Variants in ZMYM2 observed in about 807,000 individuals in gnomAD.
ZMYM2 encodes the protein zinc finger MYM-type containing 2, also known as zinc finger MYM-type protein 2.
Under a neutral mutation model 162.8 loss-of-function variants are expected in ZMYM2, and 56 were observed. The ratio of observed to expected loss-of-function variants is 0.34; its 90% CI spans 0.28 to 0.43. The LOEUF is 0.43. ZMYM2 is among the 20% of genes least tolerant of loss of function. ZMYM2 has a pLI of 1.00. For synonymous variants in ZMYM2, 510 were observed against 541.6 expected, an observed-to-expected ratio of 0.94 and a Z score of 0.81; for missense variants, 1,275 against 1,621.8, an observed-to-expected ratio of 0.79 and a Z score of 3.67.
At chr13:19,999,970 A>T (rs546417689) in intron 3 of ZMYM2, among the ~76,000 whole-genome samples, 9 of 152,182 alleles carry the variant, frequency 5.9e-5, no homozygotes, top group South Asian at 2.1e-4. Context: ...GTTAATTTTT[A>T]AAAAATATTT....
At chr13:19,900,404 G>A in the ZMYM2 span, among the ~76,000 whole-genome samples, 6 of 152,012 alleles carry the variant, frequency 3.9e-5, no homozygotes, top group Admixed American at 6.6e-5. Context: ...ACAAAATAGC[G>A]TATCTGAACA....
At chr13:19,954,209 A>G (rs934805510), upstream of ZMYM2, among the ~76,000 whole-genome samples, 12 of 141,622 alleles carry the variant, frequency 8.5e-5, no homozygotes, top group African/African-American at 3.1e-4. Context: ...GCTCACTGCA[A>G]GCTCCGCCTT....
rs780403405 is a variant in ZMYM2, at chr13:20,026,593, T to C, written c.1585-19T>C. 7.6e-6 allele frequency: 12 copies of C among 1,573,508 alleles called. No individual in the cohort carries two copies. The East Asian group carries it at 2.7e-4, about 35-fold the overall frequency. The stretch of plus-strand genomic sequence containing the variant: ...AAGTTGTAGTCTTAAAAATTATCTT[T>C]TTATGTTTCAAATTTTAGAAATATG... On this transcript the variant is annotated intron_variant, in intron 7 of 24. Coordinates refer to ENST00000610343, the MANE Select transcript of ZMYM2 (RefSeq NM_197968.4).
At chr13:20,014,096 CAG>C (rs1951414696) in intron 6 of ZMYM2, among the ~76,000 whole-genome samples, 2 of 152,078 alleles carry the variant, frequency 1.3e-5, no homozygotes, top group South Asian at 2.1e-4. Context: ...GTTTGTGAGA[CAG>C]AGTCTCACTG....
At chr13:19,963,994 A>T (rs1955514990) in intron 2 of ZMYM2, among the ~76,000 whole-genome samples, 1 of 152,210 alleles carries the variant, frequency 6.6e-6, no homozygotes, top group African/African-American at 2.4e-5. Flanking sequence ...CTTTAATTTG[A>T]AAGAAGGGTA....
intron 2 of ZMYM2, among the ~76,000 whole-genome samples, chr13:19,972,765 T>TA (rs1270517218): frequency 2.6e-5 from 4 of 152,016 alleles, no homozygotes; most frequent in Admixed American, 2.6e-4. Flanking sequence ...TGCCCTCCGT[T>TA]ATTCTTCTAT....
At chr13:19,961,725 G>A (rs771777238) in intron 2 of ZMYM2, among the ~76,000 whole-genome samples, 3 of 152,150 alleles carry the variant, frequency 2.0e-5, no homozygotes, top group Non-Finnish European at 4.4e-5. Context: ...CTGCTTTTAC[G>A]TAATACCAGA....
At chr13:19,997,882 T>C (rs1323805479) in intron 3 of ZMYM2, among the ~76,000 whole-genome samples, 1 of 152,170 alleles carries the variant, frequency 6.6e-6, no homozygotes, top group Non-Finnish European at 1.5e-5. Flanking sequence ...GCGTGTGAAA[T>C]TTGTCTATTT....
the ZMYM2 span, among the ~76,000 whole-genome samples, chr13:19,867,734 T>C: frequency 6.6e-6 from 1 of 152,134 alleles, no homozygotes; most frequent in Non-Finnish European, 1.5e-5. Flanking sequence ...CGAATGATTC[T>C]CCTGCCTCAG....
intron 6 of ZMYM2, among the ~76,000 whole-genome samples, chr13:20,011,952 G>A (rs1051304928): frequency 2.0e-5 from 3 of 152,032 alleles, no homozygotes; most frequent in African/African-American, 4.8e-5. Context: ...GTTTCACCTT[G>A]ATGGCCAAGC....
the ZMYM2 span, among the ~76,000 whole-genome samples, chr13:19,926,840 G>A: frequency 6.6e-6 from 1 of 151,926 alleles, no homozygotes; most frequent in Middle Eastern, 3.2e-3. Context: ...GCTAATTTTT[G>A]TATTTTTTGT....
chr13:20,064,188 C>T (rs1213880105), intron 18 of ZMYM2, among the ~76,000 whole-genome samples: 1 of 151,720 alleles, frequency 6.6e-6, no homozygotes, highest in African/African-American at 2.4e-5. Context: ...GGATTTCAGA[C>T]TATAATAATT....
At chr13:19,955,524 G>A (rs773587057), upstream of ZMYM2, among the ~76,000 whole-genome samples, 1 of 152,206 alleles carries the variant, frequency 6.6e-6, no homozygotes, top group Non-Finnish European at 1.5e-5. Flanking sequence ...CTCAGAGTCA[G>A]TTTTACTACA....
chr13:19,954,813 GTT>G (rs984934698), upstream of ZMYM2, among the ~76,000 whole-genome samples: 1 of 147,874 alleles, frequency 6.8e-6, no homozygotes, highest in East Asian at 2.0e-4. Flanking sequence ...AAATATTGTT[GTT>G]TTTTTTTTCT....
At chr13:20,071,318 T>TG (rs1175461932) in intron 21 of ZMYM2, among the ~76,000 whole-genome samples, 4 of 152,214 alleles carry the variant, frequency 2.6e-5, no homozygotes, top group Non-Finnish European at 5.9e-5. Context: ...TCCAGGTTCT[T>TG]GGCGTTTTGA....
At chr13:19,919,320 G>C in the ZMYM2 span, among the ~76,000 whole-genome samples, 8 of 152,106 alleles carry the variant, frequency 5.3e-5, no homozygotes, top group African/African-American at 1.9e-4. Flanking sequence ...ACTTGTACAG[G>C]TTTTTTGTAG....
chr13:20,006,286 A>C, intron 5 of ZMYM2, 88 bp from the exon 6 acceptor site: 1 of 1,323,098 alleles, frequency 7.6e-7, no homozygotes. Context: ...CCTTATTAGG[A>C]CATCTTTATT....
intron 14 of ZMYM2, among the ~76,000 whole-genome samples, chr13:20,057,735 A>AT (rs1338686055): frequency 6.6e-6 from 1 of 152,238 alleles, no homozygotes; most frequent in African/African-American, 2.4e-5. Context: ...AAAATTATGT[A>AT]TTTATCAGTT....
chr13:19,871,436 A>C, the ZMYM2 span, among the ~76,000 whole-genome samples: 1 of 150,712 alleles, frequency 6.6e-6, no homozygotes, highest in Non-Finnish European at 1.5e-5. Context: ...ATTTTCATTG[A>C]TAGAGCATGG....
Sources: allele counts gnomAD v4.1 joint callset (sites outside exome capture counted in the v4.1 genomes callset), GRCh38; gene constraint gnomAD v4.1.1; transcripts MANE v1.5; gene names NCBI Gene and HGNC (gene_info 2026-07-23, HGNC 2026-07-21).